Variants in APBA1 observed in about 807,000 individuals in gnomAD.
APBA1 encodes the protein amyloid-beta A4 precursor protein-binding family A member 1.
A neutral mutation model predicts 86.6 loss-of-function variants in APBA1; 55 were observed. That is an observed-to-expected ratio of 0.64 (90% CI 0.51 to 0.80). APBA1 has a LOEUF of 0.80. Ranked by LOEUF, APBA1 falls within the 30% of genes least tolerant of loss-of-function variation. The pLI is 0.00. For missense variants in APBA1, 1,090 were observed against 1,183.0 expected (o/e 0.92, Z 1.15); for synonymous variants, 511 against 493.9 (o/e 1.03, Z -0.46).
chr9:69,658,274 T>TCTCTC lies in APBA1; in HGVS notation c.-70+13878_-70+13879insGAGAG, dbSNP rs1564104861. 4.8e-3 allele frequency among the ~76,000 whole-genome samples: 328 copies of TCTCTC among 68,232 alleles called. 9 individuals carry two copies. The highest frequency in any genetic ancestry group is 0.036 in the Middle Eastern group (5 of 140). 44.8% of individuals were successfully genotyped at this position (68,232 alleles called of 152,430 possible). A position where few individuals can be genotyped will look rare whatever the true frequency, so the allele number is the denominator to read the frequency against. On this transcript the variant is annotated intron_variant, in intron 1 of 12. Transcript: ENST00000265381. ...TTTCTTTCTTTCTTTCTTTCTTTCT[T>TCTCTC]TCTTTCTTTCTCTCTCTCTTTCTCT...
chr9:69,667,642 T>G (rs1377063314), intron 1 of APBA1, among the ~76,000 whole-genome samples: 1 of 150,750 alleles, frequency 6.6e-6, no homozygotes. Flanking sequence ...TTCAATCTCT[T>G]TTTCCCTCAA....
intron 5 of APBA1, chr9:69,461,963 G>A (rs1835198419): frequency 1.3e-5 from 2 of 152,156 alleles, no homozygotes; most frequent in Admixed American, 6.5e-5. Context: ...AAGCTATAAT[G>A]ATAGACATTT....
At chr9:69,569,033 G>A (rs953416488) in intron 1 of APBA1, among the ~76,000 whole-genome samples, 1 of 152,200 alleles carries the variant, frequency 6.6e-6, no homozygotes, top group Non-Finnish European at 1.5e-5. Context: ...GCAAAAAGAG[G>A]TGAAATGTGA....
intron 11 of APBA1, among the ~76,000 whole-genome samples, chr9:69,435,285 T>A (rs1834687924): frequency 6.6e-6 from 1 of 152,154 alleles, no homozygotes; most frequent in Non-Finnish European, 1.5e-5. Flanking sequence ...AGCAGCATGA[T>A]TTATAGTCCT....
chr9:69,459,958 T>C (rs1269919054), intron 5 of APBA1, among the ~76,000 whole-genome samples: 2 of 152,230 alleles, frequency 1.3e-5, no homozygotes, highest in African/African-American at 4.8e-5. Flanking sequence ...ACAGATCTTG[T>C]ACAAATAATG....
At chr9:69,590,457 A>C (rs2133964432) in intron 1 of APBA1, among the ~76,000 whole-genome samples, 1 of 152,300 alleles carries the variant, frequency 6.6e-6, no homozygotes, top group South Asian at 2.1e-4. Flanking sequence ...ATCAGCCAAA[A>C]TAATGAGGCT....
intron 1 of APBA1, among the ~76,000 whole-genome samples, chr9:69,558,653 T>C (rs867031403): frequency 6.6e-6 from 1 of 151,916 alleles, no homozygotes; most frequent in African/African-American, 2.4e-5. Context: ...GGTAAATTCA[T>C]GTCACAGGGG....
chr9:69,669,287 C>T (rs910441696), intron 1 of APBA1, among the ~76,000 whole-genome samples: 8 of 152,134 alleles, frequency 5.3e-5, no homozygotes, highest in African/African-American at 1.7e-4. Flanking sequence ...CAGTTAATTC[C>T]TTTTGGCCCC....
chr9:69,440,935 G>T, intron 11 of APBA1, 61 bp downstream of exon 11: 2 of 1,580,144 alleles, frequency 1.3e-6, no homozygotes, highest in Non-Finnish European at 8.6e-7. Context: ...CACCCCCCCA[G>T]CCATGCTACA....
chr9:69,643,264 T>C (rs1823324843), intron 1 of APBA1, among the ~76,000 whole-genome samples: 1 of 152,282 alleles, frequency 6.6e-6, no homozygotes, highest in African/African-American at 2.4e-5. Flanking sequence ...TTTCTTCACC[T>C]GCCGAGTCTC....
intron 1 of APBA1, among the ~76,000 whole-genome samples, chr9:69,547,953 C>T (rs923445435): frequency 1.3e-5 from 2 of 152,198 alleles, no homozygotes; most frequent in Admixed American, 6.5e-5. Context: ...TGTTACCTTA[C>T]ATTACAAAGG....
In APBA1 at chr9:69,452,237, G is replaced by T; in HGVS notation, c.1853C>A (p.Ala618Asp). Residue 618 changes from alanine to aspartate, a missense_variant, in exon 9 of 13, where the codon GCC becomes GAC. By Grantham distance (126) the Ala-to-Asp change is moderately radical. Coordinates refer to ENST00000265381, the MANE Select transcript of APBA1 (RefSeq NM_001163.4). ...GAGATCTTCGGGGTTAATCCCATTG[G>T]CCCTGAGGAATTCCTGGTATGCCAC... ...FSVAYQEFLR[A>D]NGINPEDLSQ... 1 of 1,614,184 alleles carries T rather than the reference G, an allele frequency of 6.2e-7. No homozygotes were observed. Among genetic ancestry groups the T allele is most frequent in the Non-Finnish European group, 8.5e-7 (1 of 1,180,026 alleles).
intron 2 of APBA1, among the ~76,000 whole-genome samples, chr9:69,514,454 G>T (rs1836100811): frequency 6.6e-6 from 1 of 152,148 alleles, no homozygotes; most frequent in South Asian, 2.1e-4. Context: ...GTTGGGCATA[G>T]TGGATGCGCC....
At chr9:69,482,686 C>T (rs533766950) in intron 2 of APBA1, among the ~76,000 whole-genome samples, 14 of 151,784 alleles carry the variant, frequency 9.2e-5, no homozygotes, top group African/African-American at 2.9e-4. Context: ...ATGTTTATTG[C>T]GGCATTAGTC....
intron 1 of APBA1, among the ~76,000 whole-genome samples, chr9:69,620,184 G>GGTCTA (rs974878179): frequency 2.6e-5 from 4 of 152,136 alleles, no homozygotes; most frequent in Non-Finnish European, 5.9e-5. Flanking sequence ...TCCTGAGGAC[G>GGTCTA]GTCTAGTCGT....
chr9:69,445,943 G>A lies in APBA1; in HGVS notation c.2181+3641C>T, dbSNP rs114119183. ...ACCCTATACCTGCTGAATCAGACCTGCATTCTAACAAGATCCCCAGGTGAT... is the reference window on the plus strand; with the variant it reads ...ACCCTATACCTGCTGAATCAGACCTACATTCTAACAAGATCCCCAGGTGAT... On this transcript the variant is annotated intron_variant, in intron 10 of 12. Transcript: ENST00000265381. 7.3e-3 allele frequency among the ~76,000 whole-genome samples: 1,119 copies of A among 152,260 alleles called. 8 individuals carry two copies. Among genetic ancestry groups the A allele is most frequent in the African/African-American group, 0.025 (1,041 of 41,526 alleles).
At chr9:69,565,219 G>A (rs1837006477) in intron 1 of APBA1, among the ~76,000 whole-genome samples, 1 of 151,970 alleles carries the variant, frequency 6.6e-6, no homozygotes, top group South Asian at 2.1e-4. Flanking sequence ...TTGTTATCTG[G>A]GATGCCACCT....
chr9:69,542,601 G>T (rs1836631588), intron 1 of APBA1, among the ~76,000 whole-genome samples: 1 of 152,254 alleles, frequency 6.6e-6, no homozygotes, highest in African/African-American at 2.4e-5. Context: ...AGCAGGTTGT[G>T]TGTGGACATA....
intron 1 of APBA1, among the ~76,000 whole-genome samples, chr9:69,658,304 C>CTCTCTCTCTCTCTT (rs1362898788): frequency 1.3e-5 from 1 of 79,944 alleles, no homozygotes; most frequent in African/African-American, 4.8e-5. Context: ...TTCTCTCTCT[C>CTCTCTCTCTCTCTT]TCTTTCTTTC....
Sources: allele counts gnomAD v4.1 joint callset (sites outside exome capture counted in the v4.1 genomes callset), GRCh38; gene constraint gnomAD v4.1.1; transcripts MANE v1.5; gene names NCBI Gene and HGNC (gene_info 2026-07-23, HGNC 2026-07-21).